TEX11: variants seen among roughly 807,000 people sequenced by gnomAD.
The protein encoded by TEX11 is testis expressed 11.
Under a neutral mutation model 84.4 loss-of-function variants are expected in TEX11, and 7 were observed. The ratio of observed to expected loss-of-function variants is 0.08; its 90% confidence interval spans 0.05 to 0.16. The LOEUF (loss-of-function observed/expected upper bound fraction) is 0.16. Ranked by LOEUF, TEX11 falls within the 10% of genes least tolerant of loss-of-function variation. The pLI, the probability that TEX11 is intolerant of heterozygous loss-of-function variation, is 1.00. For synonymous variants in TEX11, 264 were observed against 222.8 expected (o/e 1.18, Z -1.64); for missense variants, 551 against 660.5 (o/e 0.83, Z 1.82).
intron 7 of TEX11, among the ~76,000 whole-genome samples, chrX:70,842,695 C>T (rs1056857813): frequency 5.4e-5 from 6 of 111,432 alleles, no homozygotes; most frequent in African/African-American, 2.0e-4. Flanking sequence ...TCAAATTGTC[C>T]CTGTTTGTAG....
intron 25 of TEX11, among the ~76,000 whole-genome samples, chrX:70,588,180 A>T (rs2088879073): frequency 1.8e-5 from 2 of 111,999 alleles, no homozygotes; most frequent in Admixed American, 9.4e-5. Context: ...GGAATGAATT[A>T]AGACTTTGGG....
chrX:70,702,433 A>G (rs911578769), intron 13 of TEX11, among the ~76,000 whole-genome samples: 3 of 112,181 alleles, frequency 2.7e-5, no homozygotes, highest in African/African-American at 9.7e-5. Context: ...GCTATTGCAT[A>G]CTTAATAGAC....
At chrX:70,832,995 TGTG>T (rs1359687640) in intron 8 of TEX11, among the ~76,000 whole-genome samples, 2 of 111,166 alleles carry the variant, frequency 1.8e-5, no homozygotes, top group Admixed American at 9.6e-5. Context: ...ATCAGCCAGG[TGTG>T]GTGGCTCACG....
intron 9 of TEX11, among the ~76,000 whole-genome samples, chrX:70,748,728 T>C (rs1426817448): frequency 2.0e-5 from 2 of 98,684 alleles, no homozygotes; most frequent in African/African-American, 7.6e-5. Context: ...ATCAGATAGT[T>C]GTAGATATGC....
At chrX:70,519,832 C>G in the TEX11 span, among the ~76,000 whole-genome samples, 6,622 of 111,289 alleles carry the variant, frequency 0.06, 320 homozygotes, top group African/African-American at 0.16. Context: ...TCTTTTTTCT[C>G]TAAACTTCTC....
At chrX:70,876,653 T>C (rs1296096227) in intron 3 of TEX11, among the ~76,000 whole-genome samples, 1 of 111,969 alleles carries the variant, frequency 8.9e-6, no homozygotes, top group Non-Finnish European at 1.9e-5. Context: ...CAAACTCTTA[T>C]GGCTCATGCC....
chrX:70,613,379 C>CTTGA (rs1485394950), intron 20 of TEX11, among the ~76,000 whole-genome samples: 2 of 111,671 alleles, frequency 1.8e-5, no homozygotes, highest in Non-Finnish European at 3.8e-5. Context: ...AATCTGCGCA[C>CTTGA]TTGAGAAAGA....
At chrX:70,588,199 G>A (rs1360809003) in intron 25 of TEX11, among the ~76,000 whole-genome samples, 2 of 111,821 alleles carry the variant, frequency 1.8e-5, no homozygotes, top group Admixed American at 1.9e-4. Flanking sequence ...GGGGACTGTT[G>A]GGAAGGCATG....
chrX:70,643,953 G>C (rs1273471691), intron 17 of TEX11, among the ~76,000 whole-genome samples: 2 of 104,234 alleles, frequency 1.9e-5, no homozygotes, highest in Non-Finnish European at 3.9e-5. Flanking sequence ...CTTCTGCACA[G>C]CAAAAGAAAC....
chrX:70,539,019 A>AATATAT (rs971242983), intron 28 of TEX11, among the ~76,000 whole-genome samples: 7 of 47,831 alleles, frequency 1.5e-4, no homozygotes, highest in Non-Finnish European at 2.6e-4. Flanking sequence ...GACACTTGGA[A>AATATAT]ATATATATAT....
intron 3 of TEX11, 39 bp from the exon 4 acceptor site, chrX:70,873,346 C>T: frequency 1.1e-6 from 1 of 880,297 alleles, no homozygotes; most frequent in Non-Finnish European, 1.7e-6. Context: ...AGTTAAAATA[C>T]TGGCCACCTC....
intron 17 of TEX11, among the ~76,000 whole-genome samples, chrX:70,640,771 A>G (rs2089645979): frequency 9.0e-6 from 1 of 111,071 alleles, no homozygotes; most frequent in Admixed American, 9.6e-5. Context: ...TGAAGGAAGC[A>G]CTGAACATGG....
chrX:70,536,908 G>C (rs1291993135), intron 28 of TEX11, among the ~76,000 whole-genome samples: 1 of 111,566 alleles, frequency 9.0e-6, no homozygotes, highest in Non-Finnish European at 1.9e-5. Flanking sequence ...TATACTGTTA[G>C]GGCTTTCCTG....
chrX:70,574,597 T>C (rs1210581035), intron 25 of TEX11, among the ~76,000 whole-genome samples: 1 of 111,880 alleles, frequency 8.9e-6, no homozygotes, highest in African/African-American at 3.2e-5. Context: ...TCTGGTGTTA[T>C]AGCAGAATTT....
At chrX:70,777,311 T>C (rs1325866591) in intron 9 of TEX11, among the ~76,000 whole-genome samples, 1 of 111,823 alleles carries the variant, frequency 8.9e-6, no homozygotes, top group African/African-American at 3.3e-5. Flanking sequence ...AGGAATAAAA[T>C]GTGGAGCTTT....
At chrX:70,732,200 C>T (rs1320574754) in intron 11 of TEX11, among the ~76,000 whole-genome samples, 7 of 111,751 alleles carry the variant, frequency 6.3e-5, no homozygotes, top group Admixed American at 1.9e-4. Context: ...CTATATCATA[C>T]TGAATGGGCA....
At chrX:70,765,759 T>A (rs1029329790) in intron 9 of TEX11, among the ~76,000 whole-genome samples, 2 of 111,778 alleles carry the variant, frequency 1.8e-5, no homozygotes, top group Admixed American at 1.9e-4. Flanking sequence ...TCACTATTAT[T>A]CAACATACTA....
At chrX:70,603,131 G>C (rs2089148787) in intron 24 of TEX11, among the ~76,000 whole-genome samples, 1 of 78,101 alleles carries the variant, frequency 1.3e-5, no homozygotes, top group African/African-American at 4.8e-5. Context: ...TACTGCCCAA[G>C]GTAATTTATA....
the TEX11 span, among the ~76,000 whole-genome samples, chrX:70,517,976 A>G: frequency 0.064 from 6,913 of 108,560 alleles, 188 homozygotes; most frequent in African/African-American, 0.1. Flanking sequence ...TATCCCCTTT[A>G]TCATTTTTTA....
Sources: allele counts gnomAD v4.1 joint callset (sites outside exome capture counted in the v4.1 genomes callset), GRCh38; gene constraint gnomAD v4.1.1; transcripts MANE v1.5; gene names NCBI Gene and HGNC (gene_info 2026-07-23, HGNC 2026-07-21).